Variants in MAST4 observed in about 807,000 individuals in gnomAD.
The protein encoded by MAST4 is microtubule-associated serine/threonine-protein kinase 4.
Under a neutral mutation model 162.7 loss-of-function variants are expected in MAST4, and 89 were observed. That is an observed-to-expected ratio of 0.55 (90% CI 0.46 to 0.65). The LOEUF is 0.65. Ranked by LOEUF, MAST4 falls within the 30% of genes least tolerant of loss-of-function variation. MAST4 has a pLI of 0.00. For synonymous variants in MAST4, 1,479 were observed against 1,361.1 expected (o/e 1.09, Z -1.91); for missense variants, 3,153 against 3,374.0 (o/e 0.93, Z 1.62).
At chr5:66,922,177 T>G (rs1490190314) in intron 4 of MAST4, among the ~76,000 whole-genome samples, 3 of 152,194 alleles carry the variant, frequency 2.0e-5, no homozygotes, top group Non-Finnish European at 4.4e-5. Context: ...ATGGATCCAC[T>G]CTGTTTCTGG....
intron 3 of MAST4, among the ~76,000 whole-genome samples, chr5:66,836,467 T>C (rs1198253509): frequency 6.6e-6 from 1 of 152,130 alleles, no homozygotes; most frequent in African/African-American, 2.4e-5. Flanking sequence ...GGAGTATAAA[T>C]TGTTCTATTA....
At chr5:66,886,375 C>T (rs941467702) in intron 3 of MAST4, among the ~76,000 whole-genome samples, 1 of 152,102 alleles carries the variant, frequency 6.6e-6, no homozygotes, top group Non-Finnish European at 1.5e-5. Flanking sequence ...AGTGACAGAA[C>T]CATTTAAAAG....
chr5:66,901,079 T>C (rs1762979694), intron 4 of MAST4, among the ~76,000 whole-genome samples: 1 of 152,120 alleles, frequency 6.6e-6, no homozygotes, highest in Admixed American at 6.5e-5. Context: ...GCATCATGAT[T>C]AGGACTCTGT....
At chr5:66,856,197 T>TTGCATAGATAGGACACTAACC (rs764943344) in intron 3 of MAST4, among the ~76,000 whole-genome samples, 3 of 152,014 alleles carry the variant, frequency 2.0e-5, no homozygotes, top group Non-Finnish European at 4.4e-5. Context: ...AGGACACTCT[T>TTGCATAGATAGGACACTAACC]TGCATGAGGT....
At chr5:66,824,327 A>G (rs540912020) in intron 3 of MAST4, among the ~76,000 whole-genome samples, 1 of 152,232 alleles carries the variant, frequency 6.6e-6, no homozygotes, top group South Asian at 2.1e-4. Flanking sequence ...ACACAGTGGT[A>G]CTCCTCTCTG....
chr5:66,788,776 C>T lies in MAST4; in HGVS notation c.624C>T (p.Pro208=). Residue 208 remains proline, a synonymous_variant, in exon 3 of 29, where the codon CCC becomes CCT. Coordinates refer to ENST00000403625, the MANE Select transcript of MAST4 (RefSeq NM_001164664.2). ...MRSQALGQSA[P]SLTASLKELS... Reference sequence around the variant, plus strand: ...GCCAGGCCCTGGGCCAGTCGGCGCCCTCGCTCACCGCCAGCCTGGTGAGTG... The same window carrying T: ...GCCAGGCCCTGGGCCAGTCGGCGCCTTCGCTCACCGCCAGCCTGGTGAGTG... 1.3e-6 allele frequency: 2 copies of T among 1,596,194 alleles called. No homozygotes were observed. Among genetic ancestry groups the T allele is most frequent in the East Asian group, 2.3e-5 (1 of 44,436 alleles).
rs554392222 is a variant in MAST4 at position 66,964,038 on chromosome 5, A to C, written c.674+64056A>C. ...TGACAGTTTTTCATTTTGCTTTCTT[A>C]GGGAATGATCTGCACTGAATTCTGT... On this transcript the variant is annotated intron_variant, in intron 4 of 28. Coordinates refer to ENST00000403625, the MANE Select transcript of MAST4 (RefSeq NM_001164664.2). 6.4e-4 allele frequency: 412 copies of C among 648,118 alleles called. No homozygotes were observed. The African/African-American group carries it at 6.7e-3, about 10-fold the overall frequency. The allele number at this position is 648,118 out of a possible 1,614,324, so 40.1% of individuals were successfully genotyped here.
At chr5:67,136,367 TA>T (rs2151012837) in intron 18 of MAST4, among the ~76,000 whole-genome samples, 195 bp from the exon 19 acceptor site, 1 of 152,326 alleles carries the variant, frequency 6.6e-6, no homozygotes, top group African/African-American at 2.4e-5. Context: ...TTATGTCTTG[TA>T]AAATAATGCT....
chr5:67,114,341 A>G (rs1383832045), intron 12 of MAST4, 122 bp downstream of exon 12: 1 of 1,190,590 alleles, frequency 8.4e-7, no homozygotes, highest in African/African-American at 1.6e-5. Flanking sequence ...ATAAGTCCAT[A>G]TTTGGGGACT....
At chr5:66,971,780 T>G (rs1398389552) in intron 4 of MAST4, among the ~76,000 whole-genome samples, 1 of 152,084 alleles carries the variant, frequency 6.6e-6, no homozygotes, top group African/African-American at 2.4e-5. Flanking sequence ...GAAAGTTATA[T>G]CCTATGTTCC....
chr5:67,164,241 T>G lies in MAST4; in HGVS notation c.5062T>G (p.Tyr1688Asp). Residue 1688 changes from tyrosine (Y) to aspartate (D), a missense_variant, in exon 29 of 29, where the codon TAC becomes GAC. Physicochemically the swap from Tyr to Asp is radical, Grantham distance 160 (BLOSUM62 -3). This residue lies in a region of MAST4 where 1,644 missense variants were observed against 1,495.0 expected (regional missense o/e 1.10). Transcript: ENST00000403625. This position sits in a 1 kb window ranked among gnomAD's most constrained non-coding sequence, Gnocchi z 5.3. ...KLDSKLANID[Y>D]LRKKMSLEDK... ...AGACAGCAAGCTGGCCAACATCGAT[T>G]ACCTCCGAAAGAAAATGTCACTTGA... is the stretch of plus-strand genomic sequence containing the variant. 1 of 1,613,906 alleles carries G rather than the reference T, an allele frequency of 6.2e-7. No homozygotes were observed. Among genetic ancestry groups the G allele is most frequent in the South Asian group, 1.1e-5 (1 of 91,046 alleles).
intron 4 of MAST4, among the ~76,000 whole-genome samples, chr5:67,007,350 A>G (rs928206659): frequency 6.6e-6 from 1 of 152,110 alleles, no homozygotes; most frequent in African/African-American, 2.4e-5. Context: ...CTGTTTTGCC[A>G]TCCTCGATAA....
intron 4 of MAST4, among the ~76,000 whole-genome samples, chr5:67,031,191 A>G (rs1204489331): frequency 1.3e-5 from 2 of 152,112 alleles, no homozygotes; most frequent in Non-Finnish European, 2.9e-5. Context: ...CAGTCTTTAA[A>G]TTGCTACTCT....
chr5:67,057,989 C>A (rs1759068594), intron 5 of MAST4, among the ~76,000 whole-genome samples: 2 of 150,736 alleles, frequency 1.3e-5, no homozygotes, highest in Non-Finnish European at 2.9e-5. Flanking sequence ...CTTGTGATTG[C>A]AGCACTGTGG....
intron 5 of MAST4, among the ~76,000 whole-genome samples, chr5:67,061,213 T>A (rs1032651230): frequency 6.6e-6 from 1 of 152,162 alleles, no homozygotes; most frequent in Non-Finnish European, 1.5e-5. Context: ...ATGTTGAAAC[T>A]TTTGTTCCCC....
chr5:66,672,576 C>T (rs1182770764), intron 1 of MAST4, among the ~76,000 whole-genome samples: 1 of 152,176 alleles, frequency 6.6e-6, no homozygotes, highest in Non-Finnish European at 1.5e-5. Context: ...TTAAATTACA[C>T]ATTATGTAAA....
At chr5:66,745,456 C>G (rs1428553874) in intron 1 of MAST4, among the ~76,000 whole-genome samples, 1 of 152,156 alleles carries the variant, frequency 6.6e-6, no homozygotes, top group East Asian at 1.9e-4. Flanking sequence ...ATAATTATAG[C>G]ATGTGTTTAG....
intron 4 of MAST4, among the ~76,000 whole-genome samples, chr5:66,920,678 A>T (rs764388610): frequency 6.6e-6 from 1 of 152,050 alleles, no homozygotes; most frequent in Non-Finnish European, 1.5e-5. Context: ...TTTATTAGAG[A>T]CAGGGTTTCT....
rs1774188268 is a variant in MAST4 at position 67,167,482 on chromosome 5, G to A, written c.*431G>A. 6.5e-6 allele frequency: 1 copy of A among 153,836 alleles called. No individual in the cohort carries two copies. Among genetic ancestry groups the A allele is most frequent in the Non-Finnish European group, 1.4e-5 (1 of 69,294 alleles). 9.5% of individuals were successfully genotyped at this position (153,836 alleles called of 1,614,324 possible). On this transcript the variant is annotated 3_prime_UTR_variant, in exon 29 of 29. Transcript: ENST00000403625. ...AATGAAGCAAAATGGTCAAAACTGG[G>A]TGTGTGTGAACAGAGATACACCCAT... is the stretch of plus-strand genomic sequence containing the variant.
Sources: gnomAD v4.1 joint callset for allele counts (sites outside exome capture counted in the v4.1 genomes callset) on GRCh38, gnomAD v4.1.1 for gene constraint, gnomAD v4.1.1 regional missense constraint, Gnocchi (gnomAD v3.1) non-coding constraint, MANE v1.5 for transcripts, NCBI Gene and HGNC (gene_info 2026-07-23, HGNC 2026-07-21) for gene names.